PTPRD: variants seen among roughly 807,000 people sequenced by gnomAD.
PTPRD encodes the protein protein tyrosine phosphatase receptor type D.
In PTPRD, 34 loss-of-function variants were observed where a neutral mutation model predicts 214.5. The ratio of observed to expected loss-of-function variants is 0.16; its 90% CI spans 0.12 to 0.21. PTPRD has a LOEUF of 0.21. PTPRD is among the 10% of genes least tolerant of loss of function. The pLI, the probability that PTPRD is intolerant of heterozygous loss-of-function variation, is 1.00. For missense variants in PTPRD, 2,545 were observed against 2,398.7 expected (o/e 1.06, Z -1.27); for synonymous variants, 1,128 against 845.7 (o/e 1.33, Z -5.79).
intron 9 of PTPRD, among the ~76,000 whole-genome samples, chr9:9,372,506 T>C (rs1378068562): frequency 6.6e-6 from 1 of 152,128 alleles, no homozygotes; most frequent in African/African-American, 2.4e-5. Flanking sequence ...CCTACGTGTG[T>C]CTCTGCACAT....
intron 2 of PTPRD, among the ~76,000 whole-genome samples, chr9:10,593,473 G>A (rs1313209248): frequency 1.3e-5 from 2 of 152,056 alleles, no homozygotes; most frequent in African/African-American, 4.8e-5. Flanking sequence ...GTTATTACAA[G>A]TATGACTTCA....
At chr9:9,839,995 C>A (rs957658755) in intron 5 of PTPRD, among the ~76,000 whole-genome samples, 26 of 151,814 alleles carry the variant, frequency 1.7e-4, no homozygotes, top group African/African-American at 6.3e-4. Context: ...CAAATACTAA[C>A]AGTAGTTAGA....
chr9:9,429,517 T>C (rs780911954), intron 8 of PTPRD, among the ~76,000 whole-genome samples: 1 of 152,094 alleles, frequency 6.6e-6, no homozygotes, highest in African/African-American at 2.4e-5. Context: ...TTCCAATCAG[T>C]AGAAAAAGAG....
intron 10 of PTPRD, among the ~76,000 whole-genome samples, chr9:9,059,128 G>A (rs895761259): frequency 1.3e-5 from 2 of 152,118 alleles, no homozygotes; most frequent in East Asian, 3.9e-4. Flanking sequence ...AATATAAGGA[G>A]AGAACAGAAA....
chr9:8,341,056 G>A, intron 41 of PTPRD, 34 bp downstream of exon 41: 2 of 1,533,996 alleles, frequency 1.3e-6, no homozygotes, highest in Non-Finnish European at 1.8e-6. Flanking sequence ...TAAATATCAA[G>A]GCTTTGGATA....
At chr9:9,603,658 C>G (rs1392578064) in intron 7 of PTPRD, among the ~76,000 whole-genome samples, 1 of 151,978 alleles carries the variant, frequency 6.6e-6, no homozygotes, top group African/African-American at 2.4e-5. Context: ...TTTGGAGCTC[C>G]TTATGAGAAT....
intron 5 of PTPRD, among the ~76,000 whole-genome samples, chr9:9,780,568 G>C (rs1317083467): frequency 6.6e-6 from 1 of 152,044 alleles, no homozygotes; most frequent in Non-Finnish European, 1.5e-5. Flanking sequence ...AGAATAACAA[G>C]GACTCTTATT....
chr9:9,777,611 T>A (rs537382732), intron 5 of PTPRD, among the ~76,000 whole-genome samples: 3 of 152,180 alleles, frequency 2.0e-5, no homozygotes, highest in African/African-American at 7.2e-5. Flanking sequence ...GGTGGGAGAA[T>A]TGCTTGAGCC....
intron 39 of PTPRD, among the ~76,000 whole-genome samples, chr9:8,375,487 A>G (rs1361623355): frequency 1.3e-5 from 2 of 152,076 alleles, no homozygotes; most frequent in East Asian, 3.9e-4. Flanking sequence ...TCTTTAAGCA[A>G]TAAGATAGTC....
rs1408641253 is a variant in PTPRD, at chr9:10,335,434, A to G, written c.-545+5529T>C. Reference sequence around the variant, plus strand: ...TCTACTCACAAATCTTGCACCCTTAACAAAAGTTAACTCAAAACATATCAC... The same window carrying G: ...TCTACTCACAAATCTTGCACCCTTAGCAAAAGTTAACTCAAAACATATCAC... On this transcript the variant is annotated intron_variant, in intron 3 of 45. Transcript: ENST00000381196. Among the ~76,000 whole-genome samples the G allele has an allele frequency of 2.0e-5, 3 of 151,794 alleles. 1 individual carries two copies. The highest frequency in any genetic ancestry group is 7.2e-5 in the African/African-American group (3 of 41,408).
chr9:9,057,043 G>A (rs186426095), intron 10 of PTPRD, among the ~76,000 whole-genome samples: 202 of 152,152 alleles, frequency 1.3e-3, no homozygotes, highest in African/African-American at 4.6e-3. Context: ...TCTGTTATAG[G>A]GTGGTTGTGA....
intron 11 of PTPRD, among the ~76,000 whole-genome samples, chr9:8,767,607 T>A (rs117814093): frequency 0.031 from 4,697 of 152,292 alleles, 93 homozygotes; most frequent in Middle Eastern, 0.054. Context: ...CCATGATCAA[T>A]CTTCAACAAA....
intron 3 of PTPRD, among the ~76,000 whole-genome samples, chr9:10,264,707 G>A (rs2093933657): frequency 6.6e-6 from 1 of 152,240 alleles, no homozygotes; most frequent in Middle Eastern, 3.4e-3. Context: ...AGACTTTCGG[G>A]ATCTCTTGGG....
chr9:10,048,179 G>C (rs1376476021), intron 3 of PTPRD, among the ~76,000 whole-genome samples: 1 of 152,114 alleles, frequency 6.6e-6, no homozygotes, highest in Non-Finnish European at 1.5e-5. Context: ...CTAGTTCCTT[G>C]ATCTTCTGCA....
At chr9:8,608,957 A>G (rs2095342952) in intron 14 of PTPRD, among the ~76,000 whole-genome samples, 1 of 152,162 alleles carries the variant, frequency 6.6e-6, no homozygotes, top group Non-Finnish European at 1.5e-5. Context: ...GACTTCGCAA[A>G]GAAGCAACCA....
At chr9:9,953,127 G>A (rs10816263) in intron 4 of PTPRD, among the ~76,000 whole-genome samples, 75,492 of 151,994 alleles carry the variant, frequency 0.5, 20,243 homozygotes, top group East Asian at 0.74. Context: ...TGTTCATACA[G>A]AACCAAAATG....
rs1437172029 is a variant in PTPRD, at chr9:8,625,368, A to G, written c.352+7949T>C. 2.0e-5 allele frequency among the ~76,000 whole-genome samples: 3 copies of G among 151,858 alleles called. No individual in the cohort carries two copies. The East Asian group carries it at 5.8e-4, about 29-fold the overall frequency. On this transcript the variant is annotated intron_variant, in intron 14 of 45. Coordinates refer to ENST00000381196, the MANE Select transcript of PTPRD (RefSeq NM_002839.4). ...TTTCTAGTTGACCAGTAAATGACAG[A>G]TCTGCAGTTACCCACGTAATTAAAC... is the stretch of plus-strand genomic sequence containing the variant.
chr9:10,090,955 CACACAT>C (rs748695204), intron 3 of PTPRD, among the ~76,000 whole-genome samples: 2,112 of 148,034 alleles, frequency 0.014, 33 homozygotes, highest in Non-Finnish European at 0.017. Context: ...CACACACACA[CACACAT>C]GCATGTGGTA....
intron 3 of PTPRD, among the ~76,000 whole-genome samples, chr9:10,260,328 C>T (rs2093610536): frequency 6.6e-6 from 1 of 152,134 alleles, no homozygotes; most frequent in South Asian, 2.1e-4. Flanking sequence ...TTAAATTTCA[C>T]AGTCTTGTCC....
Sources: allele counts gnomAD v4.1 joint callset (sites outside exome capture counted in the v4.1 genomes callset), GRCh38; gene constraint gnomAD v4.1.1; transcripts MANE v1.5; gene names NCBI Gene and HGNC (gene_info 2026-07-23, HGNC 2026-07-21).